Variants in GRM5 observed in about 807,000 individuals in gnomAD.
The protein encoded by GRM5 is glutamate metabotropic receptor 5, also known as metabotropic glutamate receptor 5.
Under a neutral mutation model 83.1 loss-of-function variants are expected in GRM5, and 19 were observed. That is an observed-to-expected ratio of 0.23 (90% CI 0.16 to 0.34). GRM5 has a LOEUF of 0.34. Ranked by LOEUF, GRM5 falls within the 10% of genes least tolerant of loss-of-function variation. GRM5 has a pLI of 1.00. For missense variants in GRM5, 1,160 were observed against 1,588.3 expected, an observed-to-expected ratio of 0.73 and a Z score of 4.58; for synonymous variants, 675 against 633.6, an observed-to-expected ratio of 1.07 and a Z score of -0.98.
Position 88,567,002 on chromosome 11 carries a change from T to A in GRM5, c.2630+51A>T, listed in dbSNP as rs1459084915. 8.3e-7 allele frequency: 1 copy of A among 1,199,166 alleles called. No homozygotes were observed. The highest frequency in any genetic ancestry group is 2.2e-5 in the Admixed American group (1 of 45,914). 74.3% of individuals were successfully genotyped at this position (1,199,166 alleles called of 1,614,324 possible). On this transcript the variant is annotated intron_variant, in intron 8 of 9. Transcript: ENST00000305447. This position sits in a 1 kb window ranked among gnomAD's most constrained non-coding sequence, Gnocchi z 7.3. ...TTAAAAGACCCAGGAAACACATGCC[T>A]CTGCTCCAGTTTTAGGGGCCAGCAT...
chr11:88,542,982 C>T (rs1463816995), intron 8 of GRM5, among the ~76,000 whole-genome samples: 1 of 152,170 alleles, frequency 6.6e-6, no homozygotes, highest in Non-Finnish European at 1.5e-5. Context: ...GCAGGAGAAT[C>T]ACCTGAGCCC....
chr11:88,849,164 C>A (rs1944348013), intron 3 of GRM5, among the ~76,000 whole-genome samples: 1 of 151,934 alleles, frequency 6.6e-6, no homozygotes, highest in South Asian at 2.1e-4. Flanking sequence ...TATACACACA[C>A]ACATATGTAT....
chr11:88,568,160 G>A (rs566334337), intron 7 of GRM5, among the ~76,000 whole-genome samples, 168 bp from the exon 8 acceptor site: 16 of 152,294 alleles, frequency 1.1e-4, no homozygotes, highest in Admixed American at 2.6e-4. Flanking sequence ...TTCAGAAAAC[G>A]TTAATGATGA....
chr11:88,547,066 A>T (rs531350297), intron 8 of GRM5, among the ~76,000 whole-genome samples: 1 of 152,296 alleles, frequency 6.6e-6, no homozygotes, highest in South Asian at 2.1e-4. Context: ...AAATCAAAAC[A>T]TTAAAAAACA....
intron 3 of GRM5, among the ~76,000 whole-genome samples, chr11:88,820,572 C>T: frequency 6.6e-6 from 1 of 152,034 alleles, no homozygotes; most frequent in East Asian, 1.9e-4. Context: ...AGTTATTAAC[C>T]CTGCAATCTT....
intron 2 of GRM5, among the ~76,000 whole-genome samples, chr11:89,025,178 G>A (rs1005308998): frequency 2.2e-4 from 33 of 152,170 alleles, no homozygotes; most frequent in East Asian, 1.9e-4. Flanking sequence ...TTTCTAGTCC[G>A]AAGAGAAAAC....
chr11:88,565,000 T>G (rs1565340696), intron 8 of GRM5, among the ~76,000 whole-genome samples: 2 of 152,148 alleles, frequency 1.3e-5, no homozygotes, highest in Non-Finnish European at 1.5e-5. Context: ...TGACAATGGT[T>G]AACTTAGTTA....
intron 3 of GRM5, among the ~76,000 whole-genome samples, chr11:88,797,260 C>G (rs752543087): frequency 6.6e-6 from 1 of 152,116 alleles, no homozygotes; most frequent in Non-Finnish European, 1.5e-5. Flanking sequence ...AGAGATTCTC[C>G]TGACTCAGCC....
intron 2 of GRM5, among the ~76,000 whole-genome samples, chr11:88,977,831 A>C (rs903094294): frequency 6.6e-6 from 1 of 152,262 alleles, no homozygotes; most frequent in Non-Finnish European, 1.5e-5. Flanking sequence ...GACAATTGAC[A>C]TGAATGTTAT....
intron 2 of GRM5, among the ~76,000 whole-genome samples, chr11:88,948,885 A>C (rs1257540125): frequency 1.3e-5 from 2 of 152,220 alleles, no homozygotes; most frequent in African/African-American, 4.8e-5. Context: ...AGTGCAAATA[A>C]AGTAATACAA....
chr11:88,890,944 T>C (rs945012331), intron 2 of GRM5, among the ~76,000 whole-genome samples: 6 of 152,134 alleles, frequency 3.9e-5, no homozygotes, highest in African/African-American at 1.4e-4. Flanking sequence ...TAAGAAACCA[T>C]AGAAATATAA....
At chr11:88,662,090 G>T (rs980484352) in intron 3 of GRM5, among the ~76,000 whole-genome samples, 4 of 152,080 alleles carry the variant, frequency 2.6e-5, no homozygotes, top group Admixed American at 6.6e-5. Flanking sequence ...CTTGAAATTT[G>T]CCACCTGTAT....
intron 3 of GRM5, among the ~76,000 whole-genome samples, chr11:88,710,082 GT>G: frequency 6.6e-6 from 1 of 152,208 alleles, no homozygotes; most frequent in East Asian, 1.9e-4. Flanking sequence ...CTGAGCTAAT[GT>G]ATCTCATTAT....
At chr11:89,029,792 C>T (rs1335496469) in intron 2 of GRM5, among the ~76,000 whole-genome samples, 2 of 152,110 alleles carry the variant, frequency 1.3e-5, no homozygotes, top group African/African-American at 4.8e-5. Context: ...AGATTTCCTA[C>T]TAAATTGTTT....
intron 2 of GRM5, among the ~76,000 whole-genome samples, chr11:88,894,299 G>T (rs1395047440): frequency 2.6e-5 from 4 of 151,962 alleles, no homozygotes; most frequent in Admixed American, 6.6e-5. Context: ...TGGTGCATTT[G>T]CTGTCAGCCA....
chr11:88,764,091 G>T (rs1028198567), intron 3 of GRM5, among the ~76,000 whole-genome samples: 1 of 151,552 alleles, frequency 6.6e-6, no homozygotes, highest in Non-Finnish European at 1.5e-5. Flanking sequence ...AGAAAAAAGA[G>T]ACTTTAAATT....
intron 3 of GRM5, among the ~76,000 whole-genome samples, chr11:88,741,846 G>A (rs1942036680): frequency 6.6e-6 from 1 of 151,852 alleles, no homozygotes; most frequent in African/African-American, 2.4e-5. Flanking sequence ...TTTCCTGGAG[G>A]AAATAGATCC....
chr11:88,907,906 A>G (rs1025614485), intron 2 of GRM5, among the ~76,000 whole-genome samples: 4 of 152,198 alleles, frequency 2.6e-5, no homozygotes, highest in African/African-American at 9.7e-5. Context: ...AGCTTTAAAA[A>G]CAATTTTTTC....
Position 88,816,859 on chromosome 11 carries a change from C to A in GRM5, c.911+33047G>T, listed in dbSNP as rs935258926. Among the ~76,000 whole-genome samples, 3 of 149,748 alleles carry A rather than the reference C, an allele frequency of 2.0e-5. No individual in the cohort carries two copies. The South Asian group carries it at 6.3e-4, about 31-fold the overall frequency. ...ATGGATCATAAAAAAACAGTGTAAA[C>A]AATTTTATGCCCACAATTTTGACAA... On this transcript the variant is annotated intron_variant, in intron 3 of 9. Transcript: ENST00000305447.
Sources: allele counts gnomAD v4.1 joint callset (sites outside exome capture counted in the v4.1 genomes callset), GRCh38; gene constraint gnomAD v4.1.1; non-coding constraint Gnocchi (gnomAD v3.1); transcripts MANE v1.5; gene names NCBI Gene and HGNC (gene_info 2026-07-23, HGNC 2026-07-21).